RNPEPL1: variants seen among roughly 807,000 people sequenced by gnomAD.
RNPEPL1 encodes the protein aminopeptidase RNPEPL1.
RNPEPL1 carries 46 observed loss-of-function variants against 69.0 expected under a neutral mutation model. That is an observed-to-expected ratio of 0.67 (90% CI 0.53 to 0.85). RNPEPL1 has a LOEUF of 0.85. Ranked by LOEUF, RNPEPL1 falls within the 40% of genes least tolerant of loss-of-function variation. The pLI, the probability that RNPEPL1 is intolerant of heterozygous loss-of-function variation, is 0.00. For missense variants in RNPEPL1, 869 were observed against 992.5 expected (o/e 0.88, Z 1.67); for synonymous variants, 525 against 454.1 (o/e 1.16, Z -1.98).
rs963660826 is a variant in RNPEPL1, at chr2:240,568,793, G to T, written c.207G>T (p.Arg69=). The T allele has an allele frequency of 2.8e-6, 3 of 1,079,234 alleles. No individual in the cohort carries two copies. Among genetic ancestry groups the T allele is most frequent in the African/African-American group, 1.7e-5 (1 of 58,278 alleles). 66.9% of individuals were successfully genotyped at this position (1,079,234 alleles called of 1,614,324 possible). A position where few individuals can be genotyped will look rare whatever the true frequency, so the allele number is the denominator to read the frequency against. ...TGGTGCTCGAGCTGTGCGCGCTGCG[G>T]CCCGCGCCCCGCGCGCTCGTGCTCG... ...GCLVLELCAL[R]PAPRALVLDA... is the part of the protein sequence containing the mutation. Residue 69 remains arginine (R), a synonymous_variant, in exon 1 of 11, where the codon CGG becomes CGT. Transcript: ENST00000270357. The surrounding 1 kb of genome is among the most constrained non-coding windows in gnomAD (Gnocchi z 6.2).
Position 240,568,505 on chromosome 2 carries a change from CCCGCCGCCG to C in RNPEPL1, c.-73_-65del, listed in dbSNP as rs1254383479. ...GCGCGACTTCCTGTTGTGCCCGCGC[CCCGCCGCCG>C]CCGCCGCCCGGCGCCCCTCGCCCGC... On this transcript the variant is annotated 5_prime_UTR_variant, in exon 1 of 11. Coordinates refer to ENST00000270357, the MANE Select transcript of RNPEPL1 (RefSeq NM_018226.6). The surrounding 1 kb of genome is among the most constrained non-coding windows in gnomAD (Gnocchi z 6.2). 1 of 697,288 alleles carries C rather than the reference CCCGCCGCCG, an allele frequency of 1.4e-6. No individual in the cohort carries two copies. Among genetic ancestry groups the C allele is most frequent in the South Asian group, 6.2e-5 (1 of 16,160 alleles). The allele number at this position is 697,288 out of a possible 1,614,324, so 43.2% of individuals were successfully genotyped here. A position where few individuals can be genotyped will look rare whatever the true frequency, so the allele number is the denominator to read the frequency against.
chr2:240,573,386 C>T (rs966996608), intron 3 of RNPEPL1, 125 bp downstream of exon 3: 16 of 1,196,350 alleles, frequency 1.3e-5, no homozygotes, highest in Non-Finnish European at 1.7e-5. Flanking sequence ...GTGCTCTGGG[C>T]CAGCCCTGCC....
At position 240,577,850 on chromosome 2, in the gene RNPEPL1, C is replaced by T. The variant is rs765960550; in HGVS notation, c.2136C>T (p.Pro712=). The change falls in exon 11 of 11, where the codon CCC becomes CCT. Residue 712 remains proline (P), a synonymous_variant. Transcript: ENST00000270357. ...AQALLLGDEA[P]SSAISLRDVN... is the part of the protein sequence containing the mutation. ...CCCTGCTGCTTGGGGACGAGGCCCC[C>T]AGCAGTGCCATCTCTCTCAGGGACG... The T allele has an allele frequency of 6.3e-7, 1 of 1,583,846 alleles. No individual in the cohort carries two copies. The highest frequency in any genetic ancestry group is 1.1e-5 in the South Asian group (1 of 89,344).
Position 240,568,581 on chromosome 2 carries a change from G to A in RNPEPL1, c.-6G>A. The A allele has an allele frequency of 1.0e-6, 1 of 979,530 alleles. No individual in the cohort carries two copies. The highest frequency in any genetic ancestry group is 1.2e-6 in the Non-Finnish European group (1 of 828,196). The allele number at this position is 979,530 out of a possible 1,614,324, so 60.7% of individuals were successfully genotyped here. A position where few individuals can be genotyped will look rare whatever the true frequency, so the allele number is the denominator to read the frequency against. On this transcript the variant is annotated 5_prime_UTR_variant, in exon 1 of 11. Transcript: ENST00000270357. This position sits in a 1 kb window ranked among gnomAD's most constrained non-coding sequence, Gnocchi z 6.2. ...CGCCCATGGATTTCACCTAGTGCCG[G>A]CGGCCATGGCCGCGCAGTGCTGCTG...
chr2:240,568,670 G>A lies in RNPEPL1; in HGVS notation c.84G>A (p.Leu28=), dbSNP rs1224664651. 2.9e-6 allele frequency: 3 copies of A among 1,037,946 alleles called. No individual in the cohort carries two copies. The highest frequency in any genetic ancestry group is 3.5e-5 in the African/African-American group (2 of 56,566). 64.3% of individuals were successfully genotyped at this position (1,037,946 alleles called of 1,614,324 possible). Residue 28 remains leucine, a synonymous_variant, in exon 1 of 11, where the codon CTG becomes CTA. Transcript: ENST00000270357. The surrounding 1 kb of genome is among the most constrained non-coding windows in gnomAD (Gnocchi z 6.2). ...VRPPPEPPPA[L]DVASASSAQL... ...CGCCGCCCGAGCCGCCGCCCGCCCT[G>A]GACGTGGCCTCGGCCTCCAGCGCGC...
intron 5 of RNPEPL1, 82 bp from the exon 6 acceptor site, chr2:240,574,433 T>C (rs2093031916): frequency 6.5e-7 from 1 of 1,532,880 alleles, no homozygotes; most frequent in Non-Finnish European, 8.9e-7. Flanking sequence ...CCCCCTGCCA[T>C]GCTGCAGGTG....
chr2:240,578,248 C>G lies in RNPEPL1; in HGVS notation c.*356C>G. ...CAGCAGCCCTATGGTGACCGCCACA[C>G]TGTGCCTTAATGTCTGCCGGGGGCC... is the stretch of plus-strand genomic sequence containing the variant. On this transcript the variant is annotated 3_prime_UTR_variant, in exon 11 of 11. Transcript: ENST00000270357. 4.8e-6 allele frequency: 1 copy of G among 208,490 alleles called. No homozygotes were observed. Among genetic ancestry groups the G allele is most frequent in the Non-Finnish European group, 9.6e-6 (1 of 104,364 alleles). The allele number at this position is 208,490 out of a possible 1,614,324, so 12.9% of individuals were successfully genotyped here. A position where few individuals can be genotyped will look rare whatever the true frequency, so the allele number is the denominator to read the frequency against.
Position 240,574,339 on chromosome 2 carries a change from G to A in RNPEPL1, c.1165G>A (p.Glu389Lys), listed in dbSNP as rs143941712. The change falls in exon 5 of 11, where the codon GAG becomes AAG. Residue 389 changes from glutamate to lysine, a missense_variant. By Grantham distance (56) the Glu-to-Lys change is moderately conservative (BLOSUM62 1). This residue lies in a region of RNPEPL1 where 610 missense variants were observed against 790.9 expected (regional missense o/e 0.77). Transcript: ENST00000270357. ...CTATGCCCAGCGCCGTATCACCACC[G>A]AGACCTACGGTGCGGCCAGGGCCGG... is the stretch of plus-strand genomic sequence containing the variant. ...ATYAQRRITT[E>K]TYGAAFTCLE... The A allele has an allele frequency of 5.4e-5, 87 of 1,599,250 alleles. No homozygotes were observed. Among genetic ancestry groups the A allele is most frequent in the East Asian group, 6.7e-5 (3 of 44,762 alleles).
rs1439266698 is a variant in RNPEPL1, at chr2:240,577,835, T to C, written c.2121T>C (p.Leu707=). Residue 707 remains leucine, a synonymous_variant, in exon 11 of 11, where the codon CTT becomes CTC. Coordinates refer to ENST00000270357, the MANE Select transcript of RNPEPL1 (RefSeq NM_018226.6). The stretch of plus-strand genomic sequence containing the variant: ...ACTCGGACGCACAGGCCCTGCTGCT[T>C]GGGGACGAGGCCCCCAGCAGTGCCA... ...DTDSDAQALL[L]GDEAPSSAIS... is the part of the protein sequence containing the mutation. The C allele has an allele frequency of 6.3e-7, 1 of 1,594,424 alleles. No homozygotes were observed. Among genetic ancestry groups the C allele is most frequent in the South Asian group, 1.1e-5 (1 of 90,284 alleles).
chr2:240,577,039 G>T (rs2093039944), intron 10 of RNPEPL1, 49 bp downstream of exon 10: 2 of 1,605,438 alleles, frequency 1.2e-6, no homozygotes, highest in East Asian at 2.2e-5. Flanking sequence ...TAGCCGTGCG[G>T]ACTGGGAGTC....
chr2:240,574,055 G>T (rs1481044435), intron 4 of RNPEPL1, 58 bp from the exon 5 acceptor site: 1 of 1,510,480 alleles, frequency 6.6e-7, no homozygotes, highest in Non-Finnish European at 9.1e-7. Context: ...GGGTGCGGGT[G>T]TGCAGGGTGG....
At chr2:240,577,558 C>T (rs367873928) in intron 10 of RNPEPL1, 41 bp from the exon 11 acceptor site, 28 of 1,520,814 alleles carry the variant, frequency 1.8e-5, no homozygotes, top group Admixed American at 1.4e-4. Flanking sequence ...GCTCGAGGGG[C>T]CTGGGGAGCC....
Position 240,576,735 on chromosome 2 carries a change from C to A in RNPEPL1, c.1711C>A (p.Arg571=). The A allele has an allele frequency of 1.2e-6, 2 of 1,612,890 alleles. No homozygotes were observed. The highest frequency in any genetic ancestry group is 1.7e-6 in the Non-Finnish European group (2 of 1,179,914). Residue 571 remains arginine (R), a synonymous_variant, in exon 9 of 11, where the codon CGG becomes AGG. Coordinates refer to ENST00000270357, the MANE Select transcript of RNPEPL1 (RefSeq NM_018226.6). ...CTTCCAGACAGCACTCTTCCTGGAC[C>A]GGCTCCTGGATGGGTCCCCGCTGCC... ...RTFQTALFLD[R]LLDGSPLPQE...
In RNPEPL1 at chr2:240,574,423, C is replaced by A. The variant is rs908848361; in HGVS notation, c.1174+75C>A. 82 of 1,546,320 alleles carry A rather than the reference C, an allele frequency of 5.3e-5. 1 individual carries two copies. In the South Asian group the frequency reaches 6.4e-4, roughly 12 times the overall value. ...CCAGGGGCAGAGAGCCTAGCCTGGCCCCCCTGCCATGCTGCAGGTGCCCAC... is the reference window on the plus strand; with the variant it reads ...CCAGGGGCAGAGAGCCTAGCCTGGCACCCCTGCCATGCTGCAGGTGCCCAC... On this transcript the variant is annotated intron_variant, in intron 5 of 10. Coordinates refer to ENST00000270357, the MANE Select transcript of RNPEPL1 (RefSeq NM_018226.6).
chr2:240,577,486 AATG>A, intron 10 of RNPEPL1, 110 bp from the exon 11 acceptor site: 1 of 1,198,904 alleles, frequency 8.3e-7, no homozygotes, highest in Non-Finnish European at 1.2e-6. Flanking sequence ...CCACAGCCCT[AATG>A]ATGAAGCTGG....
intron 8 of RNPEPL1, 88 bp from the exon 9 acceptor site, chr2:240,576,447 A>C: frequency 1.6e-6 from 2 of 1,283,488 alleles, no homozygotes; most frequent in South Asian, 2.8e-5. Context: ...CCTGGAACAC[A>C]CTCAGGGTCT....
rs554472883 is a variant in RNPEPL1, at chr2:240,573,567, G to A, written c.822-208G>A. Among the ~76,000 whole-genome samples the A allele has an allele frequency of 2.4e-4, 37 of 152,344 alleles. 2 individuals carry two copies. The South Asian group carries it at 7.0e-3, about 29-fold the overall frequency. The stretch of plus-strand genomic sequence containing the variant: ...TCAGCCCAGAGATAAAATGAGCTAC[G>A]TGGCCCCTGGAATGCAGCTCTGCCC... On this transcript the variant is annotated intron_variant, in intron 3 of 10. Coordinates refer to ENST00000270357, the MANE Select transcript of RNPEPL1 (RefSeq NM_018226.6).
In RNPEPL1 at chr2:240,571,731, G is replaced by A. The variant is rs3762625; in HGVS notation, c.529-692G>A. Among the ~76,000 whole-genome samples the A allele has an allele frequency of 6.8e-3, 1,037 of 151,794 alleles. 27 individuals carry two copies. Among genetic ancestry groups the A allele is most frequent in the Admixed American group, 0.035 (538 of 15,254 alleles). On this transcript the variant is annotated intron_variant, in intron 1 of 10. Transcript: ENST00000270357. ...ACCTTAGGTGGGTAGCAGCTGCTGT[G>A]AGCGCACCCATTCCACAGCACTCAC...
rs1441046873 is a variant in RNPEPL1, at chr2:240,577,545, C to T, written c.1885-54C>T. On this transcript the variant is annotated intron_variant, in intron 10 of 10. Transcript: ENST00000270357. ...CGCCTGGCCGGGCTGGCAGGGTGGG[C>T]TGGCTCGAGGGGCCTGGGGAGCCCA... 2.7e-6 allele frequency: 4 copies of T among 1,501,862 alleles called. No individual in the cohort carries two copies. The East Asian group carries it at 9.2e-5, about 35-fold the overall frequency. 93.0% of individuals were successfully genotyped at this position (1,501,862 alleles called of 1,614,324 possible).
Sources: gnomAD v4.1 joint callset for allele counts (sites outside exome capture counted in the v4.1 genomes callset) on GRCh38, gnomAD v4.1.1 for gene constraint, gnomAD v4.1.1 regional missense constraint, Gnocchi (gnomAD v3.1) non-coding constraint, MANE v1.5 for transcripts, NCBI Gene and HGNC (gene_info 2026-07-23, HGNC 2026-07-21) for gene names.